The following LOC122539214 variants were observed in gnomAD, a reference collection of about 807,000 sequenced individuals.
chr19:52,684,511 T>C, the LOC122539214 span, among the ~76,000 whole-genome samples: 28 of 142,648 alleles, frequency 2.0e-4, no homozygotes, highest in South Asian at 5.3e-3. Context: ...ATCACAAGAG[T>C]GCACTCATAG....
At chr19:52,673,768 T>G in the LOC122539214 span, among the ~76,000 whole-genome samples, 2 of 150,226 alleles carry the variant, frequency 1.3e-5, no homozygotes, top group South Asian at 4.2e-4. Context: ...GAGCAGTGGC[T>G]CTTTGGGAGG....
the LOC122539214 span, among the ~76,000 whole-genome samples, chr19:52,670,626 C>T: frequency 4.6e-5 from 7 of 152,112 alleles, no homozygotes; most frequent in African/African-American, 1.7e-4. Context: ...ATTTATTCTG[C>T]ACTAAATATG....
At chr19:52,657,224 C>T in the LOC122539214 span, among the ~76,000 whole-genome samples, 22 of 152,226 alleles carry the variant, frequency 1.4e-4, no homozygotes, top group South Asian at 2.3e-3. Flanking sequence ...ACAGAAATTA[C>T]GAAGAACTAC....
the LOC122539214 span, chr19:52,653,310 T>C: frequency 1.1e-5 from 14 of 1,310,370 alleles, no homozygotes; most frequent in Non-Finnish European, 1.5e-5. Flanking sequence ...ATTCATTACA[T>C]GTGTAAGGTT....
At chr19:52,689,447 C>CAGAA in the LOC122539214 span, among the ~76,000 whole-genome samples, 158 of 152,188 alleles carry the variant, frequency 1.0e-3, no homozygotes, top group Middle Eastern at 3.4e-3. Flanking sequence ...TGTGCTTCTC[C>CAGAA]CTCTGTTCTC....
the LOC122539214 span, among the ~76,000 whole-genome samples, chr19:52,684,805 A>G: frequency 6.6e-6 from 1 of 152,138 alleles, no homozygotes; most frequent in Non-Finnish European, 1.5e-5. Flanking sequence ...GAAAAAAAAA[A>G]TGTGACTGGG....
chr19:52,655,550 AT>A, the LOC122539214 span: 1 of 1,485,082 alleles, frequency 6.7e-7, no homozygotes. Context: ...CAGGAGGGAC[AT>A]TTTCCTCACC....
chr19:52,655,306 C>G, the LOC122539214 span: 5 of 347,056 alleles, frequency 1.4e-5, no homozygotes, highest in African/African-American at 1.1e-4. Flanking sequence ...CCAGGGGCAT[C>G]TCTGCTTAGA....
the LOC122539214 span, among the ~76,000 whole-genome samples, chr19:52,671,414 T>A: frequency 3.3e-5 from 5 of 152,310 alleles, no homozygotes; most frequent in East Asian, 9.6e-4. Flanking sequence ...TCTGAAAAAA[T>A]TAGAAAATGT....
chr19:52,663,321 C>T, the LOC122539214 span, among the ~76,000 whole-genome samples: 2 of 152,110 alleles, frequency 1.3e-5, no homozygotes. Context: ...CAATTGTGAA[C>T]CCCTAGCTAT....
At chr19:52,652,357 C>G in the LOC122539214 span, 2 of 311,406 alleles carry the variant, frequency 6.4e-6, no homozygotes, top group South Asian at 5.6e-5. Flanking sequence ...ATCGTATGAA[C>G]CTGGGAGGTG....
chr19:52,653,091 A>C, the LOC122539214 span: 1 of 1,480,446 alleles, frequency 6.8e-7, no homozygotes, highest in Non-Finnish European at 9.4e-7. Context: ...GAATTGCCTT[A>C]TGAATTAGAA....
the LOC122539214 span, chr19:52,690,496 T>C: frequency 5.4e-6 from 1 of 186,110 alleles, no homozygotes; most frequent in Non-Finnish European, 1.2e-5. Context: ...TGCGAGAATC[T>C]GCGCGCGCAG....
At chr19:52,659,918 G>A in the LOC122539214 span, among the ~76,000 whole-genome samples, 1 of 152,068 alleles carries the variant, frequency 6.6e-6, no homozygotes, top group African/African-American at 2.4e-5. Context: ...CGGCTGGGTG[G>A]GCGGTAACTC....
the LOC122539214 span, chr19:52,653,970 A>G: frequency 7.4e-7 from 1 of 1,355,134 alleles, no homozygotes; most frequent in Non-Finnish European, 1.1e-6. Context: ...AGTTCTTCCC[A>G]TACCTATTAG....
At chr19:52,683,842 G>T in the LOC122539214 span, among the ~76,000 whole-genome samples, 1 of 152,126 alleles carries the variant, frequency 6.6e-6, no homozygotes, top group African/African-American at 2.4e-5. Context: ...CATCTAAACT[G>T]CAACCCCAGA....
the LOC122539214 span, chr19:52,654,112 T>A: frequency 6.2e-7 from 1 of 1,605,334 alleles, no homozygotes; most frequent in African/African-American, 1.3e-5. Context: ...CAGATGTGAA[T>A]AAAAGCTTGA....
At chr19:52,668,402 C>T in the LOC122539214 span, among the ~76,000 whole-genome samples, 278 of 152,248 alleles carry the variant, frequency 1.8e-3, 1 homozygote, top group African/African-American at 6.6e-3. Context: ...TTTTCCTTTC[C>T]TTTCCTTTCC....
the LOC122539214 span, among the ~76,000 whole-genome samples, chr19:52,658,376 G>A: frequency 1.9e-4 from 29 of 152,228 alleles, no homozygotes; most frequent in South Asian, 2.3e-3. Context: ...GACCGGCCTG[G>A]CCAACATGGT....
Sources: allele counts gnomAD v4.1 joint callset (sites outside exome capture counted in the v4.1 genomes callset), GRCh38; gene constraint gnomAD v4.1.1; transcripts MANE v1.5.